Variants in PRKRA observed in about 807,000 individuals in gnomAD.
PRKRA encodes protein activator of interferon induced protein kinase EIF2AK2.
PRKRA carries 22 observed loss-of-function variants against 32.4 expected under a neutral mutation model. The ratio of observed to expected loss-of-function variants is 0.68; its 90% confidence interval spans 0.49 to 0.97. The LOEUF (loss-of-function observed/expected upper bound fraction) is 0.97. Among genes scored for constraint, PRKRA ranks in the 50% least tolerant of loss-of-function variants. The pLI is 0.00. For missense variants in PRKRA, 319 were observed against 375.6 expected (o/e 0.85, Z 1.25); for synonymous variants, 139 against 129.8 (o/e 1.07, Z -0.48).
intron 2 of PRKRA, among the ~76,000 whole-genome samples, chr2:178,448,783 T>C (rs1378648972): frequency 2.0e-5 from 3 of 152,086 alleles, no homozygotes; most frequent in Non-Finnish European, 4.4e-5. Flanking sequence ...CGCCAATGGA[T>C]AGAGTTTAAT....
At chr2:178,437,121 A>AT (rs1261915363) in intron 6 of PRKRA, among the ~76,000 whole-genome samples, 1 of 152,206 alleles carries the variant, frequency 6.6e-6, no homozygotes, top group Non-Finnish European at 1.5e-5. Context: ...TTTCCAAAAG[A>AT]TTTTAGAGAT....
At chr2:178,447,316 A>G (rs1697358323) in intron 3 of PRKRA, 189 bp downstream of exon 3, 1 of 985,532 alleles carries the variant, frequency 1.0e-6, no homozygotes, top group East Asian at 2.7e-5. Context: ...TTCATTTAAT[A>G]GCTAATTGCT....
chr2:178,436,876 C>A (rs1250033519), intron 6 of PRKRA, among the ~76,000 whole-genome samples: 2 of 152,058 alleles, frequency 1.3e-5, no homozygotes, highest in African/African-American at 4.8e-5. Context: ...GACTTCTATC[C>A]CAGAACCCAA....
At position 178,443,368 on chromosome 2, in the gene PRKRA, T is replaced by A. The variant is rs1224902491; in HGVS notation, c.413A>T (p.His138Leu). 5.6e-6 allele frequency: 9 copies of A among 1,609,952 alleles called. No individual in the cohort carries two copies. Among genetic ancestry groups the A allele is most frequent in the African/African-American group, 1.3e-5 (1 of 74,888 alleles). The change falls in exon 5 of 8, where the codon CAT (histidine) becomes CTT (leucine). Residue 138 changes from histidine (H) to leucine (L), a missense_variant. By Grantham distance (99) the His-to-Leu change is moderately conservative. Transcript: ENST00000325748. Reference protein sequence around the residue: ...IGSLQELAIHHGWRLPEYTLS... With the variant: ...IGSLQELAIHLGWRLPEYTLS... The stretch of plus-strand genomic sequence containing the variant: ...GGTATATTCAGGAAGTCTCCAGCCA[T>A]GATGAATAGCCAATTCCTATAAAAT...
At chr2:178,446,505 C>T (rs1050872219) in intron 3 of PRKRA, among the ~76,000 whole-genome samples, 9 of 152,178 alleles carry the variant, frequency 5.9e-5, no homozygotes, top group Non-Finnish European at 1.2e-4. Flanking sequence ...CACCCCTAAT[C>T]CAAAAGCCTT....
Position 178,449,243 on chromosome 2 carries a change from A to G in PRKRA, c.235+999T>C, listed in dbSNP as rs77297057. ...ATCTAGAAATAGACTAGCTAAAGTA[A>G]GTAATGCAGTGTTGACTCTATGGTT... is the stretch of plus-strand genomic sequence containing the variant. On this transcript the variant is annotated intron_variant, in intron 2 of 7. Transcript: ENST00000325748. Among the ~76,000 whole-genome samples, 830 of 152,316 alleles carry G rather than the reference A, an allele frequency of 5.4e-3. 10 individuals are homozygous for G. The highest frequency in any genetic ancestry group is 0.019 in the African/African-American group (798 of 41,550).
rs145887670 is a variant in PRKRA at position 178,450,814 on chromosome 2, G to A, written c.65+152C>T. On this transcript the variant is annotated intron_variant, in intron 1 of 7. Coordinates refer to ENST00000325748, the MANE Select transcript of PRKRA (RefSeq NM_003690.5). ...CCGGCCGCAGACCCCAACCCTCGCC[G>A]CCGAGAGGGCGGGGCCGAGCACCCA... 5.2e-4 allele frequency: 698 copies of A among 1,340,242 alleles called. 4 individuals are homozygous for A. In the African/African-American group the frequency reaches 9.6e-3, roughly 18 times the overall value. 83.0% of individuals were successfully genotyped at this position (1,340,242 alleles called of 1,614,324 possible). A position where few individuals can be genotyped will look rare whatever the true frequency, so the allele number is the denominator to read the frequency against.
intron 2 of PRKRA, among the ~76,000 whole-genome samples, chr2:178,448,319 T>G (rs562666362): frequency 1.3e-5 from 2 of 152,314 alleles, no homozygotes; most frequent in South Asian, 4.1e-4. Context: ...TGGAATAAGT[T>G]TCAAGTGTGG....
At chr2:178,444,931 A>G (rs1697259656) in intron 3 of PRKRA, among the ~76,000 whole-genome samples, 1 of 152,246 alleles carries the variant, frequency 6.6e-6, no homozygotes, top group Admixed American at 6.5e-5. Context: ...CATAATAGGC[A>G]TGCCATAAAA....
intron 3 of PRKRA, among the ~76,000 whole-genome samples, chr2:178,446,877 C>G (rs377065777): frequency 6.6e-6 from 1 of 150,768 alleles, no homozygotes. Flanking sequence ...CCTGTAGTCC[C>G]AGCTACTTGG....
At chr2:178,450,050 G>T in intron 2 of PRKRA, 192 bp downstream of exon 2, 1 of 767,518 alleles carries the variant, frequency 1.3e-6, no homozygotes, top group Non-Finnish European at 2.2e-6. Context: ...TCCTTGGTAT[G>T]TGGGGAAGAG....
chr2:178,443,088 C>CTT lies in PRKRA; in HGVS notation c.514+178_514+179insAA, dbSNP rs1316047412. On this transcript the variant is annotated intron_variant, in intron 5 of 7. Transcript: ENST00000325748. ...TTTTAAAAATATCAAATTAAGAAGA[C>CTT]TAAGTATCTTAAGCCAAATATTTAT... Among the ~76,000 whole-genome samples the CTT allele has an allele frequency of 2.6e-5, 4 of 152,254 alleles. No homozygotes were observed. In the East Asian group the frequency reaches 7.7e-4, roughly 29 times the overall value.
At chr2:178,437,657 A>G (rs1265670344) in intron 6 of PRKRA, among the ~76,000 whole-genome samples, 1 of 152,108 alleles carries the variant, frequency 6.6e-6, no homozygotes. Flanking sequence ...TGATTTCTGA[A>G]CCAATTTATA....
intron 7 of PRKRA, among the ~76,000 whole-genome samples, chr2:178,434,424 CT>C (rs561589631): frequency 1.3e-3 from 179 of 137,674 alleles, no homozygotes; most frequent in Admixed American, 1.4e-3. Context: ...AGCCTCTTTT[CT>C]TTTTTTTTTT....
chr2:178,434,098 C>T (rs973127043), intron 7 of PRKRA: 5 of 151,862 alleles, frequency 3.3e-5, no homozygotes, highest in African/African-American at 9.7e-5. Flanking sequence ...TGAATGGTCT[C>T]TCATCAGCCA....
At position 178,450,906 on chromosome 2, in the gene PRKRA, C is replaced by T. The variant is rs1186433127; in HGVS notation, c.65+60G>A. ...ATGCCTCTGGAGGGCCGGCTCCCCG[C>T]GCCCCGGCCCTGCCGCCCAACGCTC... On this transcript the variant is annotated intron_variant, in intron 1 of 7. Transcript: ENST00000325748. 10 of 1,221,784 alleles carry T rather than the reference C, an allele frequency of 8.2e-6. No homozygotes were observed. In the African/African-American group the frequency reaches 1.6e-4, roughly 20 times the overall value. The allele number at this position is 1,221,784 out of a possible 1,614,324, so 75.7% of individuals were successfully genotyped here. A position where few individuals can be genotyped will look rare whatever the true frequency, so the allele number is the denominator to read the frequency against.
chr2:178,441,985 A>G (rs1697135606), intron 5 of PRKRA, among the ~76,000 whole-genome samples: 1 of 150,352 alleles, frequency 6.7e-6, no homozygotes, highest in Non-Finnish European at 1.5e-5. Flanking sequence ...TCCTGGGTTC[A>G]AGCAATTCTC....
At chr2:178,445,008 T>G (rs1001060221) in intron 3 of PRKRA, among the ~76,000 whole-genome samples, 3 of 152,228 alleles carry the variant, frequency 2.0e-5, no homozygotes, top group Admixed American at 2.0e-4. Context: ...TCCAGAAAAT[T>G]TAGCCTGGCA....
rs771181033 is a variant in PRKRA, at chr2:178,436,278, G to A, written c.651C>T (p.Ser217=). The stretch of plus-strand genomic sequence containing the variant: ...TCTTTTCACCAGGAGAATTCCTCAA[G>A]GAATGCCAAGTACATCCTAAAGAAT... The part of the protein sequence containing the change: ...VGHSLGCTWH[S]LRNSPGEKIN... Residue 217 remains serine, a synonymous_variant, in exon 7 of 8, where the codon TCC becomes TCT. Transcript: ENST00000325748. 24 of 1,613,788 alleles carry A rather than the reference G, an allele frequency of 1.5e-5. No homozygotes were observed. In the East Asian group the frequency reaches 5.4e-4, roughly 36 times the overall value.
Sources: gnomAD v4.1 joint callset for allele counts (sites outside exome capture counted in the v4.1 genomes callset) on GRCh38, gnomAD v4.1.1 for gene constraint, MANE v1.5 for transcripts, NCBI Gene and HGNC (gene_info 2026-07-23, HGNC 2026-07-21) for gene names.